The following SORCS1 variants were observed in gnomAD, a reference collection of about 807,000 sequenced individuals.
The protein encoded by SORCS1 is VPS10 domain-containing receptor SorCS1.
SORCS1 carries 60 observed loss-of-function variants against 146.1 expected under a neutral mutation model. The observed-to-expected ratio is 0.41, with a 90% CI of 0.33 to 0.51. SORCS1 has a LOEUF of 0.51. Among genes scored for constraint, SORCS1 ranks in the 20% least tolerant of loss-of-function variants. The pLI, the probability that SORCS1 is intolerant of heterozygous loss-of-function variation, is 0.21. For synonymous variants in SORCS1, 637 were observed against 584.0 expected (o/e 1.09, Z -1.31); for missense variants, 1,352 against 1,487.6 (o/e 0.91, Z 1.50).
chr10:106,590,067 T>C (rs1418209544), intron 24 of SORCS1, among the ~76,000 whole-genome samples: 2 of 152,178 alleles, frequency 1.3e-5, no homozygotes, highest in Non-Finnish European at 2.9e-5. Flanking sequence ...AATATACTAA[T>C]TATGAATATT....
At chr10:106,632,284 T>C (rs7901090) in intron 18 of SORCS1, among the ~76,000 whole-genome samples, 21,789 of 152,106 alleles carry the variant, frequency 0.14, 2,194 homozygotes, top group East Asian at 0.32. Flanking sequence ...AGGCAGCTGA[T>C]TATATTCCTG....
chr10:106,761,604 G>T lies in SORCS1; in HGVS notation c.943C>A (p.Pro315Thr), dbSNP rs747517715. The change falls in exon 5 of 26, where the codon CCA (proline) becomes ACA (threonine). Residue 315 changes from proline (P) to threonine (T), a missense_variant. Physicochemically the swap from Pro to Thr is conservative, Grantham distance 38. Transcript: ENST00000263054. ...RWQLIQEGVV[P>T]NRFYWSVMGS... ...GAGACTTACCAGTAGAACCTGTTTG[G>T]TACAACCCCTTCTTGGATAAGCTGC... 39 of 1,614,066 alleles carry T rather than the reference G, an allele frequency of 2.4e-5. No homozygotes were observed. Among genetic ancestry groups the T allele is most frequent in the Non-Finnish European group, 3.0e-5 (35 of 1,179,972 alleles).
At chr10:107,018,155 A>G (rs986576856) in intron 1 of SORCS1, among the ~76,000 whole-genome samples, 3 of 151,980 alleles carry the variant, frequency 2.0e-5, no homozygotes, top group African/African-American at 7.2e-5. Flanking sequence ...CCCTTTGTCC[A>G]AGCACACTTC....
At chr10:106,621,977 G>T (rs1847775089) in intron 19 of SORCS1, among the ~76,000 whole-genome samples, 1 of 152,130 alleles carries the variant, frequency 6.6e-6, no homozygotes, top group Non-Finnish European at 1.5e-5. Context: ...ACTCATACTT[G>T]TTCAAAATTA....
intron 24 of SORCS1, among the ~76,000 whole-genome samples, chr10:106,580,938 G>GT (rs1844866843): frequency 6.6e-6 from 1 of 152,110 alleles, no homozygotes; most frequent in African/African-American, 2.4e-5. Context: ...TCTCTCCCCT[G>GT]TAAGTCAAAC....
chr10:106,714,692 A>G (rs929116009), intron 6 of SORCS1, among the ~76,000 whole-genome samples: 1 of 152,212 alleles, frequency 6.6e-6, no homozygotes, highest in African/African-American at 2.4e-5. Context: ...TGAGATGTCA[A>G]CAACAGCGGA....
Position 106,576,503 on chromosome 10 carries a change from A to G in SORCS1, c.*917T>C. ...GGTAACTAATGGGATTCCATTTCCTACTGCAGTTGGGGCAGGAGTAGGGAA... is the reference window on the plus strand; with the variant it reads ...GGTAACTAATGGGATTCCATTTCCTGCTGCAGTTGGGGCAGGAGTAGGGAA... On this transcript the variant is annotated 3_prime_UTR_variant, in exon 26 of 26. Transcript: ENST00000263054. 1 of 152,290 alleles carries G rather than the reference A, an allele frequency of 6.6e-6. No homozygotes were observed. 9.4% of individuals were successfully genotyped at this position (152,290 alleles called of 1,614,324 possible).
intron 1 of SORCS1, among the ~76,000 whole-genome samples, chr10:107,018,933 T>C (rs545166280): frequency 1.3e-5 from 2 of 152,330 alleles, no homozygotes; most frequent in South Asian, 4.1e-4. Flanking sequence ...GAAGCAACAC[T>C]AAACCAAATA....
At chr10:107,168,643 A>C (rs1970099939), upstream of SORCS1, among the ~76,000 whole-genome samples, 1 of 144,088 alleles carries the variant, frequency 6.9e-6, no homozygotes, top group South Asian at 2.4e-4. Context: ...TATGCTATGG[A>C]GTTTAAATGT....
chr10:107,099,087 T>C (rs975426940), intron 1 of SORCS1, among the ~76,000 whole-genome samples: 4 of 152,202 alleles, frequency 2.6e-5, no homozygotes, highest in South Asian at 4.1e-4. Context: ...AAGACATATA[T>C]AGTGTTAAAG....
At chr10:106,615,010 T>C (rs1055427085) in intron 21 of SORCS1, among the ~76,000 whole-genome samples, 1 of 147,356 alleles carries the variant, frequency 6.8e-6, no homozygotes, top group African/African-American at 2.5e-5. Flanking sequence ...CCCCTGTCAA[T>C]TTCCCAAATG....
rs765355110 is a variant in SORCS1, at chr10:106,944,874, C to CTTT, written c.626+11636_626+11638dup. 5.6e-3 allele frequency among the ~76,000 whole-genome samples: 205 copies of CTTT among 36,602 alleles called. 21 individuals are homozygous for CTTT. The highest frequency in any genetic ancestry group is 0.018 in the African/African-American group (181 of 9,984). The allele number at this position is 36,602 out of a possible 152,430, so 24.0% of individuals were successfully genotyped here. ...GTAGAAAGAAGCAAGAAAGAGCCTT[C>CTTT]TTTTTTTTTTTTTTTTTTTTTTTTT... On this transcript the variant is annotated intron_variant, in intron 2 of 25. Coordinates refer to ENST00000263054, the MANE Select transcript of SORCS1 (RefSeq NM_052918.5).
At chr10:107,174,920 CCAAT>C in the SORCS1 span, among the ~76,000 whole-genome samples, 13 of 152,054 alleles carry the variant, frequency 8.5e-5, no homozygotes, top group African/African-American at 2.2e-4. Context: ...GTTTTTCTTG[CCAAT>C]CACTTTATTA....
Position 106,722,181 on chromosome 10 carries a change from A to T in SORCS1, c.1024+7869T>A, listed in dbSNP as rs142700188. On this transcript the variant is annotated intron_variant, in intron 6 of 25. Coordinates refer to ENST00000263054, the MANE Select transcript of SORCS1 (RefSeq NM_052918.5). ...TATAACAATAAAAAGATAAGAGTTT[A>T]TATATATATATACCTTTTTATTGTT... 1.9e-3 allele frequency among the ~76,000 whole-genome samples: 289 copies of T among 151,272 alleles called. 1 individual carries two copies. The highest frequency in any genetic ancestry group is 6.7e-3 in the African/African-American group (276 of 41,304).
intron 1 of SORCS1, among the ~76,000 whole-genome samples, chr10:107,013,971 G>A (rs1301778191): frequency 2.0e-5 from 3 of 152,116 alleles, no homozygotes; most frequent in Non-Finnish European, 2.9e-5. Context: ...TAAAAAGAGA[G>A]AAAAGGCCGG....
intron 1 of SORCS1, among the ~76,000 whole-genome samples, chr10:107,033,117 T>TA (rs1428277462): frequency 6.6e-6 from 1 of 152,136 alleles, no homozygotes; most frequent in Non-Finnish European, 1.5e-5. Flanking sequence ...TCAGGAAACT[T>TA]ACAATCATGG....
chr10:106,794,484 T>G (rs1359267928), intron 3 of SORCS1, among the ~76,000 whole-genome samples: 5 of 151,266 alleles, frequency 3.3e-5, no homozygotes, highest in Non-Finnish European at 5.9e-5. Flanking sequence ...TCACTAGCAT[T>G]GTTTCCTTTT....
intron 2 of SORCS1, among the ~76,000 whole-genome samples, chr10:106,884,689 A>G (rs1051843696): frequency 5.9e-5 from 9 of 152,206 alleles, no homozygotes; most frequent in Admixed American, 3.3e-4. Flanking sequence ...TCAATGCTGA[A>G]TATCACCAGC....
At position 107,065,222 on chromosome 10, in the gene SORCS1, C is replaced by G. The variant is rs760682229; in HGVS notation, c.558+98747G>C. Among the ~76,000 whole-genome samples the G allele has an allele frequency of 2.0e-5, 3 of 152,178 alleles. No homozygotes were observed. The Middle Eastern group carries it at 0.01, about 518-fold the overall frequency. ...TCAGAAATCCAAGAAATGTCTGTAA[C>G]ATGAATGAGCATTCACTTTCCCTAC... is the stretch of plus-strand genomic sequence containing the variant. On this transcript the variant is annotated intron_variant, in intron 1 of 25. Transcript: ENST00000263054.
Sources: allele counts gnomAD v4.1 joint callset (sites outside exome capture counted in the v4.1 genomes callset), GRCh38; gene constraint gnomAD v4.1.1; transcripts MANE v1.5; gene names NCBI Gene and HGNC (gene_info 2026-07-23, HGNC 2026-07-21).